GRID2: variants seen among roughly 807,000 people sequenced by gnomAD.
GRID2 encodes glutamate ionotropic receptor delta type subunit 2, also known as glutamate receptor ionotropic, delta-2.
Under a neutral mutation model 114.8 loss-of-function variants are expected in GRID2, and 33 were observed. The ratio of observed to expected loss-of-function variants is 0.29; its 90% confidence interval spans 0.22 to 0.38. GRID2 has a LOEUF of 0.38. Among genes scored for constraint, GRID2 ranks in the 10% least tolerant of loss-of-function variants. The pLI, the probability that GRID2 is intolerant of heterozygous loss-of-function variation, is 1.00. For synonymous variants in GRID2, 505 were observed against 449.9 expected (o/e 1.12, Z -1.55); for missense variants, 1,184 against 1,257.7 (o/e 0.94, Z 0.89).
At chr4:92,483,554 C>T (rs1386615798) in intron 1 of GRID2, among the ~76,000 whole-genome samples, 2 of 152,006 alleles carry the variant, frequency 1.3e-5, no homozygotes, top group African/African-American at 4.8e-5. Flanking sequence ...ATCACTGGGA[C>T]GATCAAAGCT....
At chr4:93,484,348 A>G (rs1200668282) in intron 11 of GRID2, among the ~76,000 whole-genome samples, 1 of 151,932 alleles carries the variant, frequency 6.6e-6, no homozygotes, top group Non-Finnish European at 1.5e-5. Context: ...ATTATTATAC[A>G]GTGTGAATTA....
chr4:93,232,276 C>A lies in GRID2; in HGVS notation c.1126-6095C>A, dbSNP rs189056214. Among the ~76,000 whole-genome samples the A allele has an allele frequency of 4.9e-3, 739 of 152,110 alleles. 7 individuals carry two copies. Among genetic ancestry groups the A allele is most frequent in the African/African-American group, 0.017 (713 of 41,530 alleles). ...AAAATTATGTGATTGCACATAAAAT[C>A]ACTGGACATTTTCTATGTATTCTAT... is the stretch of plus-strand genomic sequence containing the variant. On this transcript the variant is annotated intron_variant, in intron 7 of 15. Transcript: ENST00000282020.
intron 1 of GRID2, among the ~76,000 whole-genome samples, chr4:92,405,429 T>A (rs1730981224): frequency 6.6e-6 from 1 of 152,108 alleles, no homozygotes; most frequent in South Asian, 2.1e-4. Context: ...CCATGTAAAT[T>A]TTTATGTAAT....
At chr4:92,691,751 T>A (rs1256315655) in intron 2 of GRID2, among the ~76,000 whole-genome samples, 2 of 152,234 alleles carry the variant, frequency 1.3e-5, no homozygotes, top group East Asian at 3.8e-4. Context: ...TCTAAGCTGT[T>A]TTTGGTTCCC....
intron 2 of GRID2, among the ~76,000 whole-genome samples, chr4:92,852,921 C>G (rs528100777): frequency 1.3e-5 from 2 of 151,942 alleles, no homozygotes; most frequent in African/African-American, 2.4e-5. Flanking sequence ...TGCCTTCCTA[C>G]CATGAACCCA....
chr4:92,776,013 C>T (rs1270987328), intron 2 of GRID2, among the ~76,000 whole-genome samples: 1 of 152,072 alleles, frequency 6.6e-6, no homozygotes, highest in Non-Finnish European at 1.5e-5. Context: ...CTCTGACACA[C>T]TATAGGAAGG....
intron 2 of GRID2, among the ~76,000 whole-genome samples, chr4:92,745,948 CAT>C (rs1351168746): frequency 1.3e-5 from 2 of 152,120 alleles, no homozygotes; most frequent in Non-Finnish European, 2.9e-5. Flanking sequence ...TTCTTTCTCA[CAT>C]GTTTTCATGA....
chr4:93,104,775 C>T (rs1057038723), intron 3 of GRID2, among the ~76,000 whole-genome samples: 3 of 152,162 alleles, frequency 2.0e-5, no homozygotes, highest in African/African-American at 7.2e-5. Flanking sequence ...CATACGTGTG[C>T]ATGTGTCTTT....
At chr4:92,781,302 G>A (rs1437668153) in intron 2 of GRID2, among the ~76,000 whole-genome samples, 2 of 151,850 alleles carry the variant, frequency 1.3e-5, no homozygotes, top group African/African-American at 4.8e-5. Context: ...ACATTGCCAT[G>A]GCTATTAAGC....
At chr4:93,450,755 G>A (rs1722612761) in intron 10 of GRID2, among the ~76,000 whole-genome samples, 1 of 151,540 alleles carries the variant, frequency 6.6e-6, no homozygotes, top group Admixed American at 6.6e-5. Flanking sequence ...TTTAGTGCTA[G>A]TCCTAATCAA....
intron 1 of GRID2, among the ~76,000 whole-genome samples, chr4:92,517,882 A>G (rs1724576600): frequency 6.6e-6 from 1 of 151,846 alleles, no homozygotes; most frequent in African/African-American, 2.4e-5. Flanking sequence ...AAAGATGAAC[A>G]ATATTTTCAG....
chr4:92,913,061 T>C (rs1748506095), intron 2 of GRID2, among the ~76,000 whole-genome samples: 1 of 151,870 alleles, frequency 6.6e-6, no homozygotes, highest in African/African-American at 2.4e-5. Context: ...AAGATTATAT[T>C]TTGATGGTGA....
intron 1 of GRID2, among the ~76,000 whole-genome samples, chr4:92,457,660 A>G (rs1241358412): frequency 6.6e-6 from 1 of 152,148 alleles, no homozygotes; most frequent in East Asian, 1.9e-4. Context: ...ATGGGACAGG[A>G]ACATTATATG....
intron 1 of GRID2, among the ~76,000 whole-genome samples, chr4:92,395,822 G>T (rs1730466287): frequency 6.6e-6 from 1 of 151,770 alleles, no homozygotes. Context: ...CTGAAGTTTA[G>T]TAACTAATAA....
chr4:92,744,214 C>T (rs1737034354), intron 2 of GRID2, among the ~76,000 whole-genome samples: 1 of 152,038 alleles, frequency 6.6e-6, no homozygotes. Context: ...TTCAGAGGGG[C>T]CAGGCACGGT....
intron 1 of GRID2, among the ~76,000 whole-genome samples, chr4:93,797,007 C>G (rs1472289799): frequency 6.6e-6 from 1 of 152,188 alleles, no homozygotes; most frequent in African/African-American, 2.4e-5. Context: ...ATGGTATAGC[C>G]TACTACACAC....
intron 8 of GRID2, among the ~76,000 whole-genome samples, chr4:93,367,009 G>C (rs7657634): frequency 6.6e-6 from 1 of 151,538 alleles, no homozygotes; most frequent in Non-Finnish European, 1.5e-5. Flanking sequence ...GAGAATCAAA[G>C]TATATTTCTA....
At chr4:92,720,793 A>C (rs10155277) in intron 2 of GRID2, among the ~76,000 whole-genome samples, 41,024 of 151,948 alleles carry the variant, frequency 0.27, 5,785 homozygotes, top group East Asian at 0.42. Context: ...GATGGCAACT[A>C]CCCTCTGGGT....
intron 1 of GRID2, among the ~76,000 whole-genome samples, chr4:92,561,717 T>G (rs1727111956): frequency 6.6e-6 from 1 of 152,300 alleles, no homozygotes; most frequent in East Asian, 1.9e-4. Flanking sequence ...AACAAAAATT[T>G]TTTACATTAG....
Sources: allele counts gnomAD v4.1 joint callset (sites outside exome capture counted in the v4.1 genomes callset), GRCh38; gene constraint gnomAD v4.1.1; transcripts MANE v1.5; gene names NCBI Gene and HGNC (gene_info 2026-07-23, HGNC 2026-07-21).